The following CLSTN2 variants were observed in gnomAD, a reference collection of about 807,000 sequenced individuals.
CLSTN2 encodes calsyntenin 2.
A neutral mutation model predicts 101.2 loss-of-function variants in CLSTN2; 48 were observed. The ratio of observed to expected loss-of-function variants is 0.47; its 90% confidence interval spans 0.38 to 0.60. The LOEUF is 0.60. CLSTN2 is among the 20% of genes least tolerant of loss of function. CLSTN2 has a pLI of 0.00. For missense variants in CLSTN2, 1,160 were observed against 1,238.2 expected (o/e 0.94, Z 0.95); for synonymous variants, 481 against 463.6 (o/e 1.04, Z -0.48).
At chr3:139,979,785 G>A (rs1267805393) in intron 1 of CLSTN2, among the ~76,000 whole-genome samples, 2 of 151,952 alleles carry the variant, frequency 1.3e-5, no homozygotes, top group Non-Finnish European at 2.9e-5. Flanking sequence ...CACCATTGGT[G>A]TCATTATCAT....
chr3:140,383,258 A>G (rs1320041789), intron 2 of CLSTN2, among the ~76,000 whole-genome samples: 2 of 152,220 alleles, frequency 1.3e-5, no homozygotes, highest in Admixed American at 6.5e-5. Flanking sequence ...TCTCTTCATA[A>G]GGGGATGTCA....
rs527509445 is a variant in CLSTN2 at position 140,449,279 on chromosome 3, T to G, written c.973+575T>G. ...TAAGCCTTGGGCCCTATATGACTAC[T>G]CAGGTTGTTACTGACAAAGCTGGTC... On this transcript the variant is annotated intron_variant, in intron 6 of 16. Coordinates refer to ENST00000458420, the MANE Select transcript of CLSTN2 (RefSeq NM_022131.3). 1.4e-4 allele frequency among the ~76,000 whole-genome samples: 21 copies of G among 152,304 alleles called. No homozygotes were observed. In the East Asian group the frequency reaches 4.1e-3, roughly 29 times the overall value.
chr3:140,113,871 C>T (rs532564601), intron 1 of CLSTN2, among the ~76,000 whole-genome samples: 47 of 152,130 alleles, frequency 3.1e-4, no homozygotes, highest in Admixed American at 3.3e-4. Flanking sequence ...TATGTGTATA[C>T]GTGTGTGTGA....
intron 1 of CLSTN2, among the ~76,000 whole-genome samples, chr3:140,028,380 C>G (rs2007465876): frequency 6.6e-6 from 1 of 152,052 alleles, no homozygotes; most frequent in South Asian, 2.1e-4. Context: ...GTTGCCTGTC[C>G]CTTCACAGAT....
Position 140,566,138 on chromosome 3 carries a change from G to A in CLSTN2, c.2753G>A (p.Gly918Asp). ...GAGGAAGAAATGAGCTCCAGCAGTG[G>A]CTCTGACGACAGCGAAGAGGAGGAG... is the stretch of plus-strand genomic sequence containing the variant. The part of the protein sequence containing the change: ...EAEEEMSSSS[G>D]SDDSEEEEEE... Residue 918 changes from glycine (G) to aspartate (D), a missense_variant, in exon 17 of 17, where the codon GGC becomes GAC. Physicochemically the swap from Gly to Asp is moderately conservative, Grantham distance 94 (BLOSUM62 -1). Transcript: ENST00000458420. 6.2e-7 allele frequency: 1 copy of A among 1,611,768 alleles called. No homozygotes were observed. The highest frequency in any genetic ancestry group is 1.7e-5 in the Admixed American group (1 of 59,992).
rs1385824776 is a variant in CLSTN2, at chr3:140,440,558, A to AAC, written c.788-7960_788-7959insCA. Among the ~76,000 whole-genome samples the AAC allele has an allele frequency of 3.9e-5, 6 of 152,324 alleles. No individual in the cohort carries two copies. The East Asian group carries it at 1.2e-3, about 29-fold the overall frequency. The stretch of plus-strand genomic sequence containing the variant: ...CCTATGATGTGTCAGATACAGGGCT[A>AAC]AGTGGTTTGCATTTATTGTCTCACA... On this transcript the variant is annotated intron_variant, in intron 5 of 16. Coordinates refer to ENST00000458420, the MANE Select transcript of CLSTN2 (RefSeq NM_022131.3).
chr3:140,350,303 A>C (rs1298076730), intron 2 of CLSTN2, among the ~76,000 whole-genome samples: 1 of 152,260 alleles, frequency 6.6e-6, no homozygotes, highest in East Asian at 1.9e-4. Flanking sequence ...AGTTTCACTC[A>C]TGCAAAATGA....
intron 1 of CLSTN2, among the ~76,000 whole-genome samples, chr3:140,005,536 G>T (rs2107749213): frequency 6.6e-6 from 1 of 152,180 alleles, no homozygotes; most frequent in Non-Finnish European, 1.5e-5. Context: ...TCTCCTTTCG[G>T]CCTCAGTAAG....
intron 1 of CLSTN2, among the ~76,000 whole-genome samples, chr3:139,996,291 A>C (rs1288798267): frequency 6.6e-6 from 1 of 152,164 alleles, no homozygotes; most frequent in African/African-American, 2.4e-5. Flanking sequence ...CCAGTGTGTG[A>C]AATATCCTCA....
intron 1 of CLSTN2, among the ~76,000 whole-genome samples, chr3:140,049,416 T>A (rs1161612880): frequency 6.6e-6 from 1 of 152,208 alleles, no homozygotes; most frequent in East Asian, 1.9e-4. Flanking sequence ...TTAGAAATAT[T>A]ATTTCCGGAA....
At chr3:140,449,949 G>A (rs1393239923) in intron 6 of CLSTN2, 3 of 152,300 alleles carry the variant, frequency 2.0e-5, no homozygotes, top group Non-Finnish European at 4.4e-5. Context: ...CACTTGTGAG[G>A]GACAGAGAGG....
chr3:139,949,223 C>T (rs999070512), intron 1 of CLSTN2, among the ~76,000 whole-genome samples: 7 of 152,206 alleles, frequency 4.6e-5, no homozygotes, highest in Admixed American at 6.5e-5. Context: ...CACTAGATTG[C>T]GTTCCTTCTT....
chr3:140,272,199 G>C (rs2086748391), intron 2 of CLSTN2, among the ~76,000 whole-genome samples: 1 of 152,156 alleles, frequency 6.6e-6, no homozygotes, highest in Non-Finnish European at 1.5e-5. Flanking sequence ...GGAAAAAACA[G>C]TTTTTGAACA....
At chr3:140,257,257 A>G (rs1181373935) in intron 2 of CLSTN2, among the ~76,000 whole-genome samples, 1 of 152,188 alleles carries the variant, frequency 6.6e-6, no homozygotes, top group East Asian at 1.9e-4. Flanking sequence ...TCTGGAGATC[A>G]TTTAGGGGAT....
In CLSTN2 at chr3:140,427,212, T is replaced by C. The variant is rs1470726062; in HGVS notation, c.787+5938T>C. ...ATATATATATATATATATGTGTATA[T>C]ATATATATATATGTGTGTATATATA... On this transcript the variant is annotated intron_variant, in intron 5 of 16. Transcript: ENST00000458420. 4.0e-5 allele frequency among the ~76,000 whole-genome samples: 3 copies of C among 75,602 alleles called. No homozygotes were observed. The East Asian group carries it at 3.1e-3, about 77-fold the overall frequency. The allele number at this position is 75,602 out of a possible 152,430, so 49.6% of individuals were successfully genotyped here.
At chr3:139,943,935 G>A (rs1251466225) in intron 1 of CLSTN2, among the ~76,000 whole-genome samples, 1 of 152,122 alleles carries the variant, frequency 6.6e-6, no homozygotes, top group Non-Finnish European at 1.5e-5. Flanking sequence ...ACCTGTCCAG[G>A]GAAGCCCCAG....
intron 5 of CLSTN2, among the ~76,000 whole-genome samples, chr3:140,438,701 T>C (rs184268440): frequency 5.9e-5 from 9 of 152,328 alleles, no homozygotes; most frequent in African/African-American, 2.2e-4. Context: ...CTCATGTTTA[T>C]TGTACATAAG....
At chr3:140,533,983 G>A (rs1935312038) in intron 9 of CLSTN2, among the ~76,000 whole-genome samples, 1 of 152,168 alleles carries the variant, frequency 6.6e-6, no homozygotes, top group Non-Finnish European at 1.5e-5. Context: ...ATAGCAAAAT[G>A]TTTATTAAAT....
intron 8 of CLSTN2, among the ~76,000 whole-genome samples, chr3:140,483,038 G>T (rs1366300312): frequency 6.6e-6 from 1 of 152,072 alleles, no homozygotes; most frequent in African/African-American, 2.4e-5. Context: ...TGATGTTAGG[G>T]CGTCAATTTT....
Sources: allele counts gnomAD v4.1 joint callset (sites outside exome capture counted in the v4.1 genomes callset), GRCh38; gene constraint gnomAD v4.1.1; transcripts MANE v1.5; gene names NCBI Gene and HGNC (gene_info 2026-07-23, HGNC 2026-07-21).